The following MX2 variants were observed in gnomAD, a reference collection of about 807,000 sequenced individuals.
The protein encoded by MX2 is interferon-induced GTP-binding protein Mx2.
In MX2, 51 loss-of-function variants were observed where a neutral mutation model predicts 74.0. The observed-to-expected ratio is 0.69, with a 90% CI of 0.55 to 0.87. The LOEUF (loss-of-function observed/expected upper bound fraction) is 0.87. MX2 is among the 40% of genes least tolerant of loss of function. The pLI is 0.00. For synonymous variants in MX2, 369 were observed against 339.3 expected (o/e 1.09, Z -0.96); for missense variants, 832 against 908.7 (o/e 0.92, Z 1.09).
intron 8 of MX2, among the ~76,000 whole-genome samples, chr21:41,398,351 AT>A (rs2089763003): frequency 1.3e-5 from 2 of 152,252 alleles, no homozygotes; most frequent in Admixed American, 1.3e-4. Flanking sequence ...CTAAGAAATA[AT>A]TGGTTTGTAA....
Position 41,399,315 on chromosome 21 carries a change from A to T in MX2, c.1392A>T (p.Ile464=). The part of the protein sequence containing the change: ...IREDFKNWVG[I]LATNTQKVKN... ...AGGATTTTAAAAACTGGGTAGGCAT[A>T]CTTGCAACTAATACCCAAAAAGGTA... The change falls in exon 10 of 14, where the codon ATA becomes ATT. Residue 464 remains isoleucine (I), a synonymous_variant. Transcript: ENST00000330714. 6.2e-7 allele frequency: 1 copy of T among 1,613,958 alleles called. No individual in the cohort carries two copies. The highest frequency in any genetic ancestry group is 2.2e-5 in the East Asian group (1 of 44,894).
chr21:41,388,226 T>G lies in MX2; in HGVS notation c.733-2339T>G, dbSNP rs1049840876. Among the ~76,000 whole-genome samples, 1 of 152,130 alleles carries G rather than the reference T, an allele frequency of 6.6e-6. No individual in the cohort carries two copies. The highest frequency in any genetic ancestry group is 2.4e-5 in the African/African-American group (1 of 41,430). Reference sequence around the variant, plus strand: ...CCCCAGCGGCTCCCATGTCAATCAGTGTAAAATTCCAAGGTCCCATGTGAT... The same window carrying G: ...CCCCAGCGGCTCCCATGTCAATCAGGGTAAAATTCCAAGGTCCCATGTGAT... On this transcript the variant is annotated intron_variant, in intron 5 of 13. Transcript: ENST00000330714. This position sits in a 1 kb window ranked among gnomAD's most constrained non-coding sequence, Gnocchi z 4.0.
chr21:41,382,194 C>G (rs952800030), intron 4 of MX2, among the ~76,000 whole-genome samples: 4 of 152,230 alleles, frequency 2.6e-5, no homozygotes, highest in African/African-American at 9.6e-5. Context: ...TTCTTCTCGT[C>G]TTTTGGAAAG....
Position 41,406,890 on chromosome 21 carries a change from T to C in MX2, c.1797T>C (p.Pro599=), listed in dbSNP as rs1328524067. The part of the protein sequence containing the change: ...LKKVREEIFN[P]LGTPSQNMKL... Reference sequence around the variant, plus strand: ...AAGTCCGAGAAGAGATTTTTAACCCTCTGGGGACGCCTTCACAGAATATGA... The same window carrying C: ...AAGTCCGAGAAGAGATTTTTAACCCCCTGGGGACGCCTTCACAGAATATGA... The change falls in exon 13 of 14, where the codon CCT becomes CCC. Residue 599 remains proline (P), a synonymous_variant. Coordinates refer to ENST00000330714, the MANE Select transcript of MX2 (RefSeq NM_002463.2). 3 of 1,614,232 alleles carry C rather than the reference T, an allele frequency of 1.9e-6. No homozygotes were observed. The highest frequency in any genetic ancestry group is 2.2e-5 in the South Asian group (2 of 91,080).
Position 41,382,453 on chromosome 21 carries a change from G to T in MX2, c.621G>T (p.Glu207Asp). 1 of 1,614,182 alleles carries T rather than the reference G, an allele frequency of 6.2e-7. No homozygotes were observed. The stretch of plus-strand genomic sequence containing the variant: ...GGAATGGCCGGGGCATCAGCCATGA[G>T]CTCATCAGCCTGGAGATCACCTCCC... The part of the protein sequence containing the change: ...MAGNGRGISH[E>D]LISLEITSPE... Residue 207 changes from glutamate to aspartate, a missense_variant, in exon 5 of 14, where the codon GAG becomes GAT. Physicochemically the swap from Glu to Asp is conservative, Grantham distance 45. Coordinates refer to ENST00000330714, the MANE Select transcript of MX2 (RefSeq NM_002463.2).
intron 4 of MX2, among the ~76,000 whole-genome samples, chr21:41,381,832 A>T (rs1280193785): frequency 6.6e-6 from 1 of 152,162 alleles, no homozygotes; most frequent in East Asian, 1.9e-4. Flanking sequence ...ATCTTCACTA[A>T]AGCAGTTGGC....
chr21:41,403,483 G>A, intron 12 of MX2, 140 bp downstream of exon 12: 2 of 776,718 alleles, frequency 2.6e-6, no homozygotes, highest in Non-Finnish European at 4.6e-6. Flanking sequence ...GGCTGGCGGG[G>A]CTGGTGGAGC....
intron 7 of MX2, among the ~76,000 whole-genome samples, chr21:41,397,320 T>G (rs954225405): frequency 6.6e-6 from 1 of 152,212 alleles, no homozygotes; most frequent in African/African-American, 2.4e-5. Flanking sequence ...AATAAAATAC[T>G]AATCTGGGCA....
At chr21:41,390,040 G>T (rs181269692) in intron 5 of MX2, 1 of 153,290 alleles carries the variant, frequency 6.5e-6, no homozygotes, top group Non-Finnish European at 1.5e-5. Context: ...AAAGAAACAC[G>T]TGGAGATATT....
At position 41,376,860 on chromosome 21, in the gene MX2, C is replaced by T; in HGVS notation, c.-47C>T. ...GAGCTTGTCAGGAAGATCGGAGGTGCCAAGTAGCAGAGAAAGCATCCCCCA... is the reference window on the plus strand; with the variant it reads ...GAGCTTGTCAGGAAGATCGGAGGTGTCAAGTAGCAGAGAAAGCATCCCCCA... On this transcript the variant is annotated 5_prime_UTR_variant, in exon 2 of 14. Coordinates refer to ENST00000330714, the MANE Select transcript of MX2 (RefSeq NM_002463.2). 2 of 1,602,510 alleles carry T rather than the reference C, an allele frequency of 1.2e-6. No individual in the cohort carries two copies. The highest frequency in any genetic ancestry group is 1.7e-6 in the Non-Finnish European group (2 of 1,173,392).
Position 41,380,237 on chromosome 21 carries a change from C to A in MX2, c.577+86C>A, listed in dbSNP as rs912553404. The stretch of plus-strand genomic sequence containing the variant: ...CTTCTCCTCTTCCTCAAGTCACCCC[C>A]ACAGTGACCACTCAGCTCCTAGCCC... On this transcript the variant is annotated intron_variant, in intron 4 of 13. Transcript: ENST00000330714. This position sits in a 1 kb window ranked among gnomAD's most constrained non-coding sequence, Gnocchi z 4.3. 1.3e-6 allele frequency: 2 copies of A among 1,561,600 alleles called. No individual in the cohort carries two copies. Among genetic ancestry groups the A allele is most frequent in the Middle Eastern group, 1.7e-4 (1 of 5,836 alleles).
intron 6 of MX2, among the ~76,000 whole-genome samples, chr21:41,392,895 A>G (rs1274443194): frequency 1.3e-5 from 2 of 152,144 alleles, no homozygotes; most frequent in Non-Finnish European, 2.9e-5. Context: ...ACCTGAGGTC[A>G]GGAGTTCGAG....
At chr21:41,399,367 C>T (rs1227544465) in intron 10 of MX2, 30 bp downstream of exon 10, 18 of 1,607,868 alleles carry the variant, frequency 1.1e-5, no homozygotes, top group Non-Finnish European at 1.5e-5. Context: ...CCCTGCAAAA[C>T]AGGGTGGTAT....
In MX2 at chr21:41,392,396, G is replaced by A. The variant is rs777892709; in HGVS notation, c.871+1693G>A. 2.6e-5 allele frequency among the ~76,000 whole-genome samples: 4 copies of A among 152,238 alleles called. No homozygotes were observed. The East Asian group carries it at 5.8e-4, about 22-fold the overall frequency. On this transcript the variant is annotated intron_variant, in intron 6 of 13. Coordinates refer to ENST00000330714, the MANE Select transcript of MX2 (RefSeq NM_002463.2). ...GTGAACTTCAACGACATTATGCTAA[G>A]TGAAATTCCAGTAAGAAAAGGACTA...
In MX2 at chr21:41,401,772, A is replaced by AT. The variant is rs202024229; in HGVS notation, c.1415-191dup. ...TTGAAACACATTTTCATAGAATAAG[A>AT]TTTTTTTCCCCCAAAAGTCAGTATT... is the stretch of plus-strand genomic sequence containing the variant. On this transcript the variant is annotated intron_variant, in intron 10 of 13. Coordinates refer to ENST00000330714, the MANE Select transcript of MX2 (RefSeq NM_002463.2). The AT allele has an allele frequency of 1.9e-3, 999 of 523,270 alleles. 11 individuals are homozygous for AT. Among genetic ancestry groups the AT allele is most frequent in the African/African-American group, 0.018 (916 of 51,894 alleles). 32.4% of individuals were successfully genotyped at this position (523,270 alleles called of 1,614,324 possible). A position where few individuals can be genotyped will look rare whatever the true frequency, so the allele number is the denominator to read the frequency against.
intron 5 of MX2, among the ~76,000 whole-genome samples, chr21:41,384,131 G>A (rs1025302535): frequency 6.6e-6 from 1 of 152,148 alleles, no homozygotes; most frequent in South Asian, 2.1e-4. Flanking sequence ...TGTGAAGAAG[G>A]TGCCTGCACC....
In MX2 at chr21:41,368,361, T is replaced by G. The variant is rs1010327698; in HGVS notation, c.-72+6306T>G. Among the ~76,000 whole-genome samples, 1 of 152,108 alleles carries G rather than the reference T, an allele frequency of 6.6e-6. No homozygotes were observed. The highest frequency in any genetic ancestry group is 2.4e-5 in the African/African-American group (1 of 41,406). On this transcript the variant is annotated intron_variant, in intron 1 of 13. Transcript: ENST00000330714. This position sits in a 1 kb window ranked among gnomAD's most constrained non-coding sequence, Gnocchi z 4.6. ...CTGAAGATTGTGCAGGGGAGACAGA[T>G]GGTTCACCAGGCACACACCAGACAA...
At chr21:41,407,029 C>A (rs755537918) in intron 13 of MX2, 31 bp downstream of exon 13, 8 of 1,598,950 alleles carry the variant, frequency 5.0e-6, no homozygotes, top group Non-Finnish European at 6.0e-6. Context: ...GAGCCGTGCT[C>A]TCTGAAATTT....
chr21:41,372,408 T>A (rs976590201), intron 1 of MX2, among the ~76,000 whole-genome samples: 1 of 152,242 alleles, frequency 6.6e-6, no homozygotes, highest in Non-Finnish European at 1.5e-5. Flanking sequence ...CAATATTACT[T>A]GTCAGAAGTT....
Sources: gnomAD v4.1 joint callset for allele counts (sites outside exome capture counted in the v4.1 genomes callset) on GRCh38, gnomAD v4.1.1 for gene constraint, Gnocchi (gnomAD v3.1) non-coding constraint, MANE v1.5 for transcripts, NCBI Gene and HGNC (gene_info 2026-07-23, HGNC 2026-07-21) for gene names.